FBN2: variants seen among roughly 807,000 people sequenced by gnomAD.
The protein encoded by FBN2 is fibrillin 2.
A neutral mutation model predicts 355.6 loss-of-function variants in FBN2; 105 were observed. The observed-to-expected ratio is 0.30, with a 90% CI of 0.25 to 0.35. The LOEUF is 0.35. Ranked by LOEUF, FBN2 falls within the 10% of genes least tolerant of loss-of-function variation. The pLI, the probability that FBN2 is intolerant of heterozygous loss-of-function variation, is 1.00. For synonymous variants in FBN2, 1,350 were observed against 1,301.2 expected (o/e 1.04, Z -0.81); for missense variants, 3,280 against 3,758.7 (o/e 0.87, Z 3.33).
intron 58 of FBN2, among the ~76,000 whole-genome samples, chr5:128,277,018 G>C (rs145159394): frequency 6.6e-6 from 1 of 152,086 alleles, no homozygotes; most frequent in Non-Finnish European, 1.5e-5. Flanking sequence ...AACATACGGC[G>C]TTGATGCCCA....
In FBN2 at chr5:128,446,610, C is replaced by A; in HGVS notation, c.827-4G>T. On this transcript the variant is annotated splice_polypyrimidine_tract_variant and splice_region_variant and intron_variant, in intron 6 of 64. Coordinates refer to ENST00000262464, the MANE Select transcript of FBN2 (RefSeq NM_001999.4). ...ATAGCCTGGCATTCATCAACATCTG[C>A]AAGAAGAAAACATTTTGAACACAGA... is the stretch of plus-strand genomic sequence containing the variant. 6.2e-7 allele frequency: 1 copy of A among 1,613,204 alleles called. No homozygotes were observed. Among genetic ancestry groups the A allele is most frequent in the South Asian group, 1.1e-5 (1 of 91,062 alleles).
rs1751523125 is a variant in FBN2, at chr5:128,357,212, G to T, written c.2674+64C>A. ...CATATTCTGTTTTTATCCGTAGTAA[G>T]GCCTGAGATCTGTGCTTATCTTGGC... On this transcript the variant is annotated intron_variant, in intron 20 of 64. Transcript: ENST00000262464. 3 of 1,596,120 alleles carry T rather than the reference G, an allele frequency of 1.9e-6. No homozygotes were observed. In the African/African-American group the frequency reaches 4.0e-5, roughly 21 times the overall value.
chr5:128,324,634 T>C (rs2126881331), intron 34 of FBN2, among the ~76,000 whole-genome samples: 1 of 151,336 alleles, frequency 6.6e-6, no homozygotes, highest in East Asian at 1.9e-4. Flanking sequence ...TTTTTTTTTT[T>C]GAGATGGAGT....
At chr5:128,405,497 C>G (rs909737088) in intron 8 of FBN2, among the ~76,000 whole-genome samples, 2 of 152,134 alleles carry the variant, frequency 1.3e-5, no homozygotes, top group African/African-American at 4.8e-5. Flanking sequence ...AATCAAAACT[C>G]TCCTCTAAGA....
intron 7 of FBN2, among the ~76,000 whole-genome samples, chr5:128,409,369 C>G (rs1335521513): frequency 6.6e-6 from 1 of 152,040 alleles, no homozygotes; most frequent in Non-Finnish European, 1.5e-5. Flanking sequence ...ACTTGGGAGG[C>G]TTTGGGAAGT....
chr5:128,326,631 G>A (rs1020344069), intron 34 of FBN2, among the ~76,000 whole-genome samples: 3 of 152,136 alleles, frequency 2.0e-5, no homozygotes, highest in Admixed American at 6.5e-5. Flanking sequence ...AGTAAATTCA[G>A]GAGAAACTGT....
intron 27 of FBN2, among the ~76,000 whole-genome samples, chr5:128,337,208 T>C (rs1019560626): frequency 6.6e-6 from 1 of 152,200 alleles, no homozygotes; most frequent in African/African-American, 2.4e-5. Context: ...TATCTATTTA[T>C]CTATGACAAA....
rs72785104 is a variant in FBN2 at position 128,273,552 on chromosome 5, T to C, written c.7840+288A>G. On this transcript the variant is annotated intron_variant, in intron 61 of 64. Coordinates refer to ENST00000262464, the MANE Select transcript of FBN2 (RefSeq NM_001999.4). ...TGCTTGTACACTACCGCAAACCATATTAGGCACAGAATTCTTTTTCAATTC... is the reference window on the plus strand; with the variant it reads ...TGCTTGTACACTACCGCAAACCATACTAGGCACAGAATTCTTTTTCAATTC... 0.19 allele frequency among the ~76,000 whole-genome samples: 28,825 copies of C among 152,150 alleles called. 2,856 individuals carry two copies. The highest frequency in any genetic ancestry group is 0.21 in the African/African-American group (8,550 of 41,492).
Position 128,310,390 on chromosome 5 carries a change from ATATATATATATATTTTTTT to A in FBN2, c.5075-301_5075-283del, listed in dbSNP as rs1270124432. On this transcript the variant is annotated intron_variant, in intron 39 of 64. Transcript: ENST00000262464. ...CATATATATATATATATATATATATATATATATATATATTTTTTTTTTTTTTTTTTTATTGCAATTCGCA... is the reference window on the plus strand; with the variant it reads ...CATATATATATATATATATATATATATTTTTTTTTTTTATTGCAATTCGCA... Among the ~76,000 whole-genome samples, 6,741 of 29,970 alleles carry A rather than the reference ATATATATATATATTTTTTT, an allele frequency of 0.22. 248 individuals carry two copies. The highest frequency in any genetic ancestry group is 0.36 in the Middle Eastern group (27 of 76). 19.7% of individuals were successfully genotyped at this position (29,970 alleles called of 152,430 possible). A position where few individuals can be genotyped will look rare whatever the true frequency, so the allele number is the denominator to read the frequency against.
At chr5:128,523,549 T>G (rs1427530266) in intron 4 of FBN2, among the ~76,000 whole-genome samples, 6 of 152,140 alleles carry the variant, frequency 3.9e-5, no homozygotes, top group Non-Finnish European at 8.8e-5. Flanking sequence ...AATTTATATC[T>G]CTATGTCCAA....
In FBN2 at chr5:128,276,249, T is replaced by C. The variant is rs951026110; in HGVS notation, c.7472-89A>G. On this transcript the variant is annotated intron_variant, in intron 58 of 64. Coordinates refer to ENST00000262464, the MANE Select transcript of FBN2 (RefSeq NM_001999.4). ...TTCCATATTCTCACTTCATTCTTTT[T>C]GTTTTTCCTGTTCAACTTAAAGTGG... 3.6e-6 allele frequency: 5 copies of C among 1,391,484 alleles called. No homozygotes were observed. The African/African-American group carries it at 7.1e-5, about 20-fold the overall frequency. 86.2% of individuals were successfully genotyped at this position (1,391,484 alleles called of 1,614,324 possible).
chr5:128,484,108 T>C (rs6898280), intron 5 of FBN2, among the ~76,000 whole-genome samples: 75,583 of 152,110 alleles, frequency 0.5, 22,041 homozygotes, highest in African/African-American at 0.82. Flanking sequence ...CAGATTTTCA[T>C]AGAATTATAG....
At chr5:128,494,680 A>G (rs1319503028) in intron 5 of FBN2, among the ~76,000 whole-genome samples, 1 of 152,214 alleles carries the variant, frequency 6.6e-6, no homozygotes, top group Non-Finnish European at 1.5e-5. Flanking sequence ...ATCCCAGGTT[A>G]ACTGGGCACA....
At chr5:128,402,988 T>C (rs1431540478) in intron 8 of FBN2, among the ~76,000 whole-genome samples, 1 of 152,238 alleles carries the variant, frequency 6.6e-6, no homozygotes, top group Non-Finnish European at 1.5e-5. Context: ...AAACTTCTCC[T>C]TCTAACACAC....
chr5:128,297,261 G>A (rs184111648), intron 48 of FBN2, among the ~76,000 whole-genome samples: 9 of 152,254 alleles, frequency 5.9e-5, no homozygotes, highest in African/African-American at 2.2e-4. Context: ...TTCCAAGTAT[G>A]TGGTCAATTT....
intron 43 of FBN2, 49 bp from the exon 44 acceptor site, chr5:128,305,685 T>A: frequency 1.2e-6 from 2 of 1,606,914 alleles, no homozygotes; most frequent in Non-Finnish European, 1.7e-6. Context: ...AGTATTGTAT[T>A]AGCATTACAT....
chr5:128,437,626 A>G (rs1753802633), intron 7 of FBN2, among the ~76,000 whole-genome samples: 1 of 152,164 alleles, frequency 6.6e-6, no homozygotes, highest in African/African-American at 2.4e-5. Context: ...TAGCAAAGCA[A>G]AAGTAGGTCA....
At chr5:128,444,668 C>G (rs1326423965) in intron 7 of FBN2, among the ~76,000 whole-genome samples, 3 of 152,218 alleles carry the variant, frequency 2.0e-5, no homozygotes, top group Non-Finnish European at 4.4e-5. Flanking sequence ...ATCAATGTCC[C>G]TCTTTCCTAA....
chr5:128,331,951 G>A (rs527944444), intron 32 of FBN2, among the ~76,000 whole-genome samples: 1 of 152,202 alleles, frequency 6.6e-6, no homozygotes, highest in African/African-American at 2.4e-5. Context: ...TGGTTGAAAA[G>A]TTATGATAGT....
Sources: gnomAD v4.1 joint callset for allele counts (sites outside exome capture counted in the v4.1 genomes callset) on GRCh38, gnomAD v4.1.1 for gene constraint, MANE v1.5 for transcripts, NCBI Gene and HGNC (gene_info 2026-07-23, HGNC 2026-07-21) for gene names.